BDNF: variants seen among roughly 807,000 people sequenced by gnomAD.
BDNF encodes the protein brain derived neurotrophic factor.
In BDNF, 1 loss-of-function variant was observed where a neutral mutation model predicts 19.5. The observed-to-expected ratio is 0.05, with a 90% CI of 0.02 to 0.24. The LOEUF (loss-of-function observed/expected upper bound fraction) is 0.24. Ranked by LOEUF, BDNF falls within the 10% of genes least tolerant of loss-of-function variation. The probability of loss-of-function intolerance (pLI) is 1.00; values close to 1 mark genes in which losing one functional copy is unlikely to be tolerated. For missense variants in BDNF, 195 were observed against 317.6 expected, an observed-to-expected ratio of 0.61 and a Z score of 2.93; for synonymous variants, 100 against 121.6, an observed-to-expected ratio of 0.82 and a Z score of 1.17.
rs1852676559 is a variant in BDNF at position 27,657,162 on chromosome 11, T to TATC, written c.*656_*658dup. 4.1e-6 allele frequency: 4 copies of TATC among 981,914 alleles called. No homozygotes were observed. The highest frequency in any genetic ancestry group is 4.8e-6 in the Non-Finnish European group (4 of 826,372). The allele number at this position is 981,914 out of a possible 1,614,324, so 60.8% of individuals were successfully genotyped here. On this transcript the variant is annotated 3_prime_UTR_variant, in exon 2 of 2. Coordinates refer to ENST00000356660, the MANE Select transcript of BDNF (RefSeq NM_001709.5). This position sits in a 1 kb window ranked among gnomAD's most constrained non-coding sequence, Gnocchi z 5.0. ...CAAACATCTTCACAACATACAAATGTATCTTTTATCAGCCAGAATATATAT... is the reference window on the plus strand; with the variant it reads ...CAAACATCTTCACAACATACAAATGTATCATCTTTTATCAGCCAGAATATATAT...
exon 1 of BDNF, chr11:27,721,444 G>A (rs1860737913): frequency 6.2e-7 from 1 of 1,613,576 alleles, no homozygotes; most frequent in East Asian, 2.2e-5. Flanking sequence ...AGACTCAAGT[G>A]TCTTAAAATC....
chr11:27,669,082 C>G (rs1854879574), intron 1 of BDNF, among the ~76,000 whole-genome samples: 1 of 152,144 alleles, frequency 6.6e-6, no homozygotes, highest in African/African-American at 2.4e-5. Flanking sequence ...GGCTTCATCC[C>G]TGGGATGCAA....
At chr11:27,678,563 G>C (rs1209205763) in intron 1 of BDNF, among the ~76,000 whole-genome samples, 1 of 152,210 alleles carries the variant, frequency 6.6e-6, no homozygotes, top group Non-Finnish European at 1.5e-5. Context: ...GGAGCGCACT[G>C]TAAAGATACT....
In BDNF at chr11:27,675,737, A is replaced by G. The variant is rs182639070; in HGVS notation, c.-21-17152T>C. ...ATCATCTCAAATTTATTATCAAGGA[A>G]TAGTTCAGAAAACGACTTCAGACCA... On this transcript the variant is annotated intron_variant, in intron 1 of 1. Coordinates refer to ENST00000356660, the MANE Select transcript of BDNF (RefSeq NM_001709.5). The G allele has an allele frequency of 2.6e-5, 4 of 152,262 alleles. No individual in the cohort carries two copies. The East Asian group carries it at 7.7e-4, about 29-fold the overall frequency. 9.4% of individuals were successfully genotyped at this position (152,262 alleles called of 1,614,324 possible).
chr11:27,670,064 T>C (rs1855088906), intron 1 of BDNF, among the ~76,000 whole-genome samples: 1 of 152,104 alleles, frequency 6.6e-6, no homozygotes, highest in African/African-American at 2.4e-5. Flanking sequence ...AACAGAGATA[T>C]AGACCAATGG....
chr11:27,669,954 A>C (rs543366064), intron 1 of BDNF, among the ~76,000 whole-genome samples: 200 of 152,312 alleles, frequency 1.3e-3, no homozygotes, highest in African/African-American at 4.6e-3. Flanking sequence ...TCGCCAAGAC[A>C]ATCCTAAACC....
At chr11:27,670,970 C>G (rs987642893) in intron 1 of BDNF, among the ~76,000 whole-genome samples, 1 of 152,126 alleles carries the variant, frequency 6.6e-6, no homozygotes, top group African/African-American at 2.4e-5. Flanking sequence ...ATGTTTATTG[C>G]GGCACTATTT....
At chr11:27,687,310 A>G (rs1021399788) in intron 1 of BDNF, among the ~76,000 whole-genome samples, 16 of 151,714 alleles carry the variant, frequency 1.1e-4, no homozygotes, top group African/African-American at 3.9e-4. Flanking sequence ...AATTCCTCCA[A>G]CCTTTTTTCA....
At chr11:27,695,327 T>C (rs1357561912) in intron 1 of BDNF, among the ~76,000 whole-genome samples, 3 of 152,226 alleles carry the variant, frequency 2.0e-5, no homozygotes, top group Non-Finnish European at 4.4e-5. Context: ...ACAGGTTGCC[T>C]TCTAGGTTTT....
chr11:27,664,576 C>T lies in BDNF; in HGVS notation c.-21-5991G>A, dbSNP rs531590849. On this transcript the variant is annotated intron_variant, in intron 1 of 1. Transcript: ENST00000356660. ...GGAGGATCACTAGAGCCCAGGAATTCGAGATCAACCTGGGCAACACAGTGA... is the reference window on the plus strand; with the variant it reads ...GGAGGATCACTAGAGCCCAGGAATTTGAGATCAACCTGGGCAACACAGTGA... Among the ~76,000 whole-genome samples, 19 of 152,136 alleles carry T rather than the reference C, an allele frequency of 1.2e-4. 1 individual carries two copies. Among genetic ancestry groups the T allele is most frequent in the African/African-American group, 3.9e-4 (16 of 41,500 alleles).
At chr11:27,699,552 C>T in intron 1 of BDNF, 2 of 1,561,654 alleles carry the variant, frequency 1.3e-6, no homozygotes, top group South Asian at 1.2e-5. Context: ...GAGAGTGTCG[C>T]AGACCCTTTC....
At chr11:27,706,187 C>G (rs1337532540) in intron 1 of BDNF, among the ~76,000 whole-genome samples, 1 of 151,962 alleles carries the variant, frequency 6.6e-6, no homozygotes, top group Non-Finnish European at 1.5e-5. Flanking sequence ...AAAAGGTAGA[C>G]AAAAGAGAAG....
intron 1 of BDNF, among the ~76,000 whole-genome samples, chr11:27,713,637 G>A (rs1448144611): frequency 6.6e-6 from 1 of 152,144 alleles, no homozygotes; most frequent in East Asian, 1.9e-4. Context: ...TTTCTAGATA[G>A]CATAACATTA....
intron 1 of BDNF, among the ~76,000 whole-genome samples, chr11:27,681,570 T>A (rs1856830740): frequency 6.6e-6 from 1 of 152,040 alleles, no homozygotes; most frequent in South Asian, 2.1e-4. Flanking sequence ...AGAATTCAGA[T>A]GAATAAACAG....
intron 1 of BDNF, among the ~76,000 whole-genome samples, chr11:27,661,335 C>G (rs1853410015): frequency 6.6e-6 from 1 of 152,114 alleles, no homozygotes; most frequent in South Asian, 2.1e-4. Flanking sequence ...CAATGGTTCC[C>G]TGATATTTTG....
In BDNF at chr11:27,656,920, C is replaced by A. The variant is rs1852630383; in HGVS notation, c.*901G>T. ...ATTTCAGAACGCGCAACTGATTTTT[C>A]TTCCTTAAAACAAAACAAAGAGGAG... On this transcript the variant is annotated 3_prime_UTR_variant, in exon 2 of 2. Coordinates refer to ENST00000356660, the MANE Select transcript of BDNF (RefSeq NM_001709.5). 11 of 985,220 alleles carry A rather than the reference C, an allele frequency of 1.1e-5. No homozygotes were observed. Among genetic ancestry groups the A allele is most frequent in the Non-Finnish European group, 1.3e-5 (11 of 829,924 alleles). The allele number at this position is 985,220 out of a possible 1,614,324, so 61.0% of individuals were successfully genotyped here.
intron 1 of BDNF, among the ~76,000 whole-genome samples, chr11:27,686,904 G>A (rs1416567007): frequency 2.0e-5 from 3 of 152,014 alleles, no homozygotes; most frequent in African/African-American, 7.3e-5. Context: ...CTTCTTGAGG[G>A]GTATCTTTGT....
At chr11:27,665,117 G>A (rs973110270) in intron 1 of BDNF, 1 of 152,138 alleles carries the variant, frequency 6.6e-6, no homozygotes, top group African/African-American at 2.4e-5. Context: ...AATTTCAGGT[G>A]GGATCTGTTA....
intron 1 of BDNF, among the ~76,000 whole-genome samples, chr11:27,714,533 A>C (rs1007795973): frequency 1.3e-5 from 2 of 152,168 alleles, no homozygotes; most frequent in Non-Finnish European, 2.9e-5. Context: ...TCATTCTCTA[A>C]ATTAAAACTT....
Sources: allele counts gnomAD v4.1 joint callset (sites outside exome capture counted in the v4.1 genomes callset), GRCh38; gene constraint gnomAD v4.1.1; non-coding constraint Gnocchi (gnomAD v3.1); transcripts MANE v1.5; gene names NCBI Gene and HGNC (gene_info 2026-07-23, HGNC 2026-07-21).